Variants in SATL1 observed in about 807,000 individuals in gnomAD.
SATL1 encodes the protein spermidine/spermine N1-acetyl transferase like 1.
SATL1 carries 47 observed loss-of-function variants against 51.8 expected under a neutral mutation model. That is an observed-to-expected ratio of 0.91 (90% CI 0.72 to 1.16). The LOEUF (loss-of-function observed/expected upper bound fraction) is 1.16. Among genes scored for constraint, SATL1 ranks in the 50% most tolerant of loss-of-function variants. SATL1 has a pLI of 0.00. For missense variants in SATL1, 520 were observed against 526.4 expected, an observed-to-expected ratio of 0.99 and a Z score of 0.12; for synonymous variants, 176 against 182.4, an observed-to-expected ratio of 0.97 and a Z score of 0.28.
chrX:85,116,155 C>T (rs1283253392), intron 2 of SATL1: 2 of 111,758 alleles, frequency 1.8e-5, no homozygotes, highest in African/African-American at 6.5e-5. Flanking sequence ...ATGTTAGCAG[C>T]AGATTATATC....
intron 2 of SATL1, among the ~76,000 whole-genome samples, chrX:85,196,679 A>G (rs948754753): frequency 8.9e-6 from 1 of 111,899 alleles, no homozygotes; most frequent in African/African-American, 3.2e-5. Flanking sequence ...GAGTTCAAAA[A>G]TAAACCCTCA....
chrX:85,156,870 A>AT (rs1926612413), intron 2 of SATL1, among the ~76,000 whole-genome samples: 1 of 75,782 alleles, frequency 1.3e-5, no homozygotes, highest in African/African-American at 5.3e-5. Flanking sequence ...TATATATATA[A>AT]AATATGTAAA....
At chrX:85,175,793 A>C (rs1376061734) in intron 2 of SATL1, among the ~76,000 whole-genome samples, 3 of 111,195 alleles carry the variant, frequency 2.7e-5, no homozygotes, top group Non-Finnish European at 5.7e-5. Context: ...CAAGGGGGGC[A>C]GTCATTGCAA....
intron 2 of SATL1, among the ~76,000 whole-genome samples, chrX:85,159,718 T>A (rs965631552): frequency 3.6e-5 from 4 of 111,330 alleles, no homozygotes; most frequent in African/African-American, 1.3e-4. Context: ...TGAACACAAC[T>A]GCATGCAGTT....
At chrX:85,134,111 T>A (rs1925886165) in intron 2 of SATL1, among the ~76,000 whole-genome samples, 1 of 111,459 alleles carries the variant, frequency 9.0e-6, no homozygotes, top group Non-Finnish European at 1.9e-5. Context: ...TTAATGAGTG[T>A]TTCAATAATA....
At position 85,108,670 on chromosome X, in the gene SATL1, C is replaced by G; in HGVS notation, c.299G>C (p.Ser100Thr). The G allele has an allele frequency of 8.3e-7, 1 of 1,200,914 alleles. No homozygotes were observed. The highest frequency in any genetic ancestry group is 3.0e-5 in the East Asian group (1 of 33,502). Residue 100 changes from serine to threonine, a missense_variant, in exon 3 of 8, where the codon AGC (serine) becomes ACC (threonine). Around this residue, in one of 3 missense-constraint regions of SATL1, gnomAD observed 488 missense variants for 474.3 expected, o/e 1.03. Coordinates refer to ENST00000644105, the MANE Select transcript of SATL1 (RefSeq NM_001367857.2). Reference protein sequence around the residue: ...LQQELSQLVLSKAGISQPDPS... With the variant: ...LQQELSQLVLTKAGISQPDPS... Reference sequence around the variant, plus strand: ...GTCTGGTTGGCTTATGCCTGCTTTGCTCAGGACTAGTTGGCTCAGTTCTTG... The same window carrying G: ...GTCTGGTTGGCTTATGCCTGCTTTGGTCAGGACTAGTTGGCTCAGTTCTTG...
chrX:85,116,954 G>T (rs957803568), intron 2 of SATL1, among the ~76,000 whole-genome samples: 4 of 111,275 alleles, frequency 3.6e-5, no homozygotes, highest in African/African-American at 1.3e-4. Context: ...TGTCTAACTG[G>T]CATATGACCT....
At chrX:85,107,192 TA>T in intron 3 of SATL1, 135 bp downstream of exon 3, 2 of 458,771 alleles carry the variant, frequency 4.4e-6, no homozygotes, top group South Asian at 6.9e-5. Context: ...AAATGAAGAG[TA>T]AAGAGGTTAA....
chrX:85,105,830 T>C (rs1925026072), intron 3 of SATL1, among the ~76,000 whole-genome samples: 1 of 112,490 alleles, frequency 8.9e-6, no homozygotes, highest in East Asian at 2.8e-4. Flanking sequence ...TTAGTCACTA[T>C]ATACATGTAT....
chrX:85,149,266 T>A (rs1049888855), intron 2 of SATL1, among the ~76,000 whole-genome samples: 2 of 111,507 alleles, frequency 1.8e-5, no homozygotes, highest in Non-Finnish European at 3.8e-5. Flanking sequence ...AAGAACTAAC[T>A]ATCCTAAATA....
intron 2 of SATL1, among the ~76,000 whole-genome samples, chrX:85,115,138 C>A (rs1925353717): frequency 8.9e-6 from 1 of 111,791 alleles, no homozygotes. Context: ...AAAACAGCAG[C>A]CCTTGGATTC....
intron 2 of SATL1, among the ~76,000 whole-genome samples, chrX:85,202,194 A>G (rs971562501): frequency 8.9e-6 from 1 of 112,094 alleles, no homozygotes; most frequent in African/African-American, 3.2e-5. Flanking sequence ...TAAGTTCCCT[A>G]TAGATGCTGG....
intron 2 of SATL1, among the ~76,000 whole-genome samples, chrX:85,153,013 C>T (rs1251718567): frequency 2.7e-5 from 3 of 109,412 alleles, no homozygotes; most frequent in Non-Finnish European, 5.7e-5. Context: ...AAAAATACAT[C>T]GACATTTCTA....
intron 2 of SATL1, among the ~76,000 whole-genome samples, chrX:85,129,039 G>C (rs1925706203): frequency 8.9e-6 from 1 of 111,774 alleles, no homozygotes; most frequent in Non-Finnish European, 1.9e-5. Flanking sequence ...ATGCTGTTTT[G>C]GTTACTGTAG....
Position 85,108,752 on chromosome X carries a change from C to G in SATL1, c.217G>C (p.Asp73His), listed in dbSNP as rs756585922. The change falls in exon 3 of 8, where the codon GAC (aspartate) becomes CAC (histidine). Residue 73 changes from aspartate to histidine, a missense_variant. Asp to His is a moderately conservative substitution (Grantham distance 81, BLOSUM62 -1). Around this residue, in one of 3 missense-constraint regions of SATL1, gnomAD observed 488 missense variants for 474.3 expected, o/e 1.03. Coordinates refer to ENST00000644105, the MANE Select transcript of SATL1 (RefSeq NM_001367857.2). ...GTNLPDINQP[D>H]MKQPDTWQLG... ...TGCCATGTGTCTGGTTGTTTCATGTCGGGTTGGTTTATGTCTGGTAGGTTT... is the reference window on the plus strand; with the variant it reads ...TGCCATGTGTCTGGTTGTTTCATGTGGGGTTGGTTTATGTCTGGTAGGTTT... 1 of 1,208,935 alleles carries G rather than the reference C, an allele frequency of 8.3e-7. No individual in the cohort carries two copies. Among genetic ancestry groups the G allele is most frequent in the Non-Finnish European group, 1.1e-6 (1 of 894,117 alleles).
chrX:85,142,667 T>C (rs1056250907), intron 2 of SATL1: 6 of 111,431 alleles, frequency 5.4e-5, no homozygotes, highest in African/African-American at 1.6e-4. Flanking sequence ...GAGACACACA[T>C]GGGCTACAAG....
intron 2 of SATL1, among the ~76,000 whole-genome samples, chrX:85,220,307 A>T (rs747365500): frequency 9.1e-6 from 1 of 110,136 alleles, no homozygotes; most frequent in African/African-American, 3.3e-5. Flanking sequence ...ATTTCAAAGC[A>T]AACTTGATAG....
At chrX:85,146,968 G>C (rs928000593) in intron 2 of SATL1, among the ~76,000 whole-genome samples, 156 of 112,659 alleles carry the variant, frequency 1.4e-3, no homozygotes, top group African/African-American at 4.7e-3. Flanking sequence ...GACAGTGGGC[G>C]CAGGACAGTG....
intron 2 of SATL1, among the ~76,000 whole-genome samples, chrX:85,145,479 G>A (rs1187411495): frequency 9.0e-6 from 1 of 111,430 alleles, no homozygotes; most frequent in African/African-American, 3.3e-5. Context: ...TTCATTCCTA[G>A]GCTAAATGAG....
Sources: gnomAD v4.1 joint callset for allele counts (sites outside exome capture counted in the v4.1 genomes callset) on GRCh38, gnomAD v4.1.1 for gene constraint, gnomAD v4.1.1 regional missense constraint, MANE v1.5 for transcripts, NCBI Gene and HGNC (gene_info 2026-07-23, HGNC 2026-07-21) for gene names.